The following RNF146 variants were observed in gnomAD, a reference collection of about 807,000 sequenced individuals.
RNF146 encodes the protein E3 ubiquitin-protein ligase RNF146.
In RNF146, 11 loss-of-function variants were observed where a neutral mutation model predicts 29.7. The ratio of observed to expected loss-of-function variants is 0.37; its 90% CI spans 0.23 to 0.61. RNF146 has a LOEUF of 0.61. RNF146 is among the 20% of genes least tolerant of loss of function. RNF146 has a pLI of 0.66. For missense variants in RNF146, 342 were observed against 438.9 expected, an observed-to-expected ratio of 0.78 and a Z score of 1.97; for synonymous variants, 150 against 159.7, an observed-to-expected ratio of 0.94 and a Z score of 0.46.
chr6:127,286,227 TTAATAA>T lies in RNF146; in HGVS notation c.3-388_3-383del, dbSNP rs1274612915. 8.3e-7 allele frequency: 1 copy of T among 1,208,510 alleles called. No homozygotes were observed. The highest frequency in any genetic ancestry group is 1.6e-5 in the African/African-American group (1 of 63,676). 74.9% of individuals were successfully genotyped at this position (1,208,510 alleles called of 1,614,324 possible). A position where few individuals can be genotyped will look rare whatever the true frequency, so the allele number is the denominator to read the frequency against. Reference sequence around the variant, plus strand: ...TAACTGAGTGCCTAAGAGCACATAATTAATAAAGGACTCTAAAACTCAGATTTTTAG... The same window carrying T: ...TAACTGAGTGCCTAAGAGCACATAATAGGACTCTAAAACTCAGATTTTTAG... On this transcript the variant is annotated intron_variant, in intron 2 of 2. Transcript: ENST00000368314. The surrounding 1 kb of genome is among the most constrained non-coding windows in gnomAD (Gnocchi z 4.6).
Position 127,278,625 on chromosome 6 carries a change from C to T in RNF146, c.-108-1606C>T, listed in dbSNP as rs551856353. On this transcript the variant is annotated intron_variant, in intron 1 of 2. Coordinates refer to ENST00000368314, the MANE Select transcript of RNF146 (RefSeq NM_001242850.2). ...GTGTCCACCTTTTGCCTAATATTTC[C>T]GCAGTGAATATTGGCATACAAGTGT... 3.5e-3 allele frequency among the ~76,000 whole-genome samples: 528 copies of T among 152,020 alleles called. 3 individuals are homozygous for T. Among genetic ancestry groups the T allele is most frequent in the Non-Finnish European group, 6.0e-3 (407 of 67,942 alleles).
At chr6:127,285,351 A>G (rs891785516) in intron 2 of RNF146, 1 of 984,630 alleles carries the variant, frequency 1.0e-6, no homozygotes, top group African/African-American at 1.7e-5. Flanking sequence ...TGATGAGCGT[A>G]AGCATTCTTG....
intron 1 of RNF146, 83 bp from the exon 2 acceptor site, chr6:127,280,148 A>G: frequency 1.8e-6 from 1 of 550,944 alleles, no homozygotes; most frequent in Non-Finnish European, 3.2e-6. Flanking sequence ...TTTTAAGATA[A>G]AGTTTTCCAC....
At chr6:127,280,483 CAATT>C in intron 2 of RNF146, 143 bp downstream of exon 2, 2 of 1,301,978 alleles carry the variant, frequency 1.5e-6, no homozygotes, top group Non-Finnish European at 2.0e-6. Context: ...GCTTTATTAA[CAATT>C]TATTTACATT....
intron 1 of RNF146, among the ~76,000 whole-genome samples, chr6:127,268,603 T>A (rs1777002268): frequency 6.6e-6 from 1 of 152,162 alleles, no homozygotes; most frequent in Admixed American, 6.5e-5. Context: ...AATCTTTCAT[T>A]TAGAATTTAT....
chr6:127,287,577 G>A lies in RNF146; in HGVS notation c.964G>A (p.Val322Ile). 6.2e-7 allele frequency: 1 copy of A among 1,612,992 alleles called. No individual in the cohort carries two copies. Among genetic ancestry groups the A allele is most frequent in the Non-Finnish European group, 8.5e-7 (1 of 1,179,410 alleles). The change falls in exon 3 of 3, where the codon GTA becomes ATA. Residue 322 changes from valine (V) to isoleucine (I), a missense_variant. Val to Ile is a conservative substitution (Grantham distance 29). This residue lies in a region of RNF146 where 196 missense variants were observed against 208.9 expected (regional missense o/e 0.94). Coordinates refer to ENST00000368314, the MANE Select transcript of RNF146 (RefSeq NM_001242850.2). ...TTTGGTTTCTAATGCAAACCAGACAGTACCCGATCGATCAGATCGATCGGG... is the reference window on the plus strand; with the variant it reads ...TTTGGTTTCTAATGCAAACCAGACAATACCCGATCGATCAGATCGATCGGG... Reference protein sequence around the residue: ...RLLVSNANQTVPDRSDRSGTD... With the variant: ...RLLVSNANQTIPDRSDRSGTD...
chr6:127,287,138 G>A lies in RNF146; in HGVS notation c.525G>A (p.Lys175=). Residue 175 remains lysine, a synonymous_variant, in exon 3 of 3, where the codon AAG becomes AAA. Coordinates refer to ENST00000368314, the MANE Select transcript of RNF146 (RefSeq NM_001242850.2). The part of the protein sequence containing the change: ...KIKRDIIDIP[K]KGVAGLRLDC... ...AGCGAGATATAATAGATATACCAAA[G>A]AAGGGAGTAGCTGGACTTAGGCTAG... is the stretch of plus-strand genomic sequence containing the variant. 6.2e-7 allele frequency: 1 copy of A among 1,613,318 alleles called. No individual in the cohort carries two copies. The highest frequency in any genetic ancestry group is 8.5e-7 in the Non-Finnish European group (1 of 1,179,586).
At chr6:127,269,342 AT>A in intron 1 of RNF146, among the ~76,000 whole-genome samples, 1 of 152,210 alleles carries the variant, frequency 6.6e-6, no homozygotes, top group Non-Finnish European at 1.5e-5. Context: ...CACACAGATA[AT>A]TTGCCAAAGA....
At chr6:127,281,451 G>A (rs1778907050) in intron 2 of RNF146, among the ~76,000 whole-genome samples, 1 of 151,664 alleles carries the variant, frequency 6.6e-6, no homozygotes, top group Non-Finnish European at 1.5e-5. Context: ...TATTGAAACT[G>A]AACAGAGGAA....
At chr6:127,279,333 C>A (rs928870312) in intron 1 of RNF146, among the ~76,000 whole-genome samples, 1 of 151,772 alleles carries the variant, frequency 6.6e-6, no homozygotes, top group Admixed American at 6.6e-5. Flanking sequence ...AATTATTTTG[C>A]ATGTGGAAAT....
chr6:127,284,967 A>G (rs1779333767), intron 2 of RNF146, among the ~76,000 whole-genome samples: 1 of 151,926 alleles, frequency 6.6e-6, no homozygotes, highest in African/African-American at 2.4e-5. Flanking sequence ...GGCCCAGGGA[A>G]ACCAAAAGAT....
chr6:127,285,912 C>A (rs1779456598), intron 2 of RNF146: 2 of 503,192 alleles, frequency 4.0e-6, no homozygotes, highest in Non-Finnish European at 6.1e-6. Context: ...CCCATCAGTA[C>A]TTAGTATTGT....
In RNF146 at chr6:127,286,453, CGGTT is replaced by C. The variant is rs1779526644; in HGVS notation, c.3-160_3-157del. 2.5e-6 allele frequency: 2 copies of C among 792,184 alleles called. No homozygotes were observed. Among genetic ancestry groups the C allele is most frequent in the Non-Finnish European group, 3.8e-6 (2 of 520,368 alleles). The allele number at this position is 792,184 out of a possible 1,614,324, so 49.1% of individuals were successfully genotyped here. On this transcript the variant is annotated intron_variant, in intron 2 of 2. Transcript: ENST00000368314. The surrounding 1 kb of genome is among the most constrained non-coding windows in gnomAD (Gnocchi z 4.6). ...GTAGATGCTTACAAAAAATTTTCAT[CGGTT>C]GGAGAGTTTTTCCTCTACTTTCATC...
chr6:127,280,974 C>T (rs977842862), intron 2 of RNF146, among the ~76,000 whole-genome samples: 1 of 151,548 alleles, frequency 6.6e-6, no homozygotes, highest in African/African-American at 2.4e-5. Context: ...TTCATATAAG[C>T]CCTATGCAAC....
At position 127,287,417 on chromosome 6, in the gene RNF146, A is replaced by T. The variant is rs756825211; in HGVS notation, c.804A>T (p.Glu268Asp). 2.6e-5 allele frequency: 42 copies of T among 1,613,410 alleles called. No individual in the cohort carries two copies. The highest frequency in any genetic ancestry group is 1.2e-4 in the African/African-American group (9 of 74,854). The part of the protein sequence containing the change: ...AERSHRGEGE[E>D]DHESPSSGRV... ...GGAGTCATAGGGGAGAAGGAGAAGAAGATCATGAATCACCATCTTCAGGCA... is the reference window on the plus strand; with the variant it reads ...GGAGTCATAGGGGAGAAGGAGAAGATGATCATGAATCACCATCTTCAGGCA... The change falls in exon 3 of 3, where the codon GAA (glutamate) becomes GAT (aspartate). Residue 268 changes from glutamate (E) to aspartate (D), a missense_variant. Physicochemically the swap from Glu to Asp is conservative, Grantham distance 45. Transcript: ENST00000368314.
intron 1 of RNF146, among the ~76,000 whole-genome samples, chr6:127,273,789 A>G (rs936255616): frequency 1.3e-5 from 2 of 152,140 alleles, no homozygotes; most frequent in Non-Finnish European, 2.9e-5. Flanking sequence ...GAAATAGGCT[A>G]AATAAATATG....
intron 1 of RNF146, among the ~76,000 whole-genome samples, chr6:127,273,661 C>T (rs866045562): frequency 2.6e-5 from 4 of 151,470 alleles, no homozygotes; most frequent in East Asian, 1.9e-4. Context: ...ATGAGGTTAT[C>T]GTCAAAGATC....
At chr6:127,274,459 G>T (rs1294707505) in intron 1 of RNF146, among the ~76,000 whole-genome samples, 1 of 152,098 alleles carries the variant, frequency 6.6e-6, no homozygotes, top group East Asian at 1.9e-4. Context: ...AATTAGATTG[G>T]TTACAGATAA....
chr6:127,274,630 T>G (rs967627624), intron 1 of RNF146, among the ~76,000 whole-genome samples: 1 of 152,176 alleles, frequency 6.6e-6, no homozygotes, highest in Non-Finnish European at 1.5e-5. Context: ...ATCTTCACAC[T>G]AGAGGTTTTA....
Sources: allele counts gnomAD v4.1 joint callset (sites outside exome capture counted in the v4.1 genomes callset), GRCh38; gene constraint gnomAD v4.1.1; regional missense constraint gnomAD v4.1.1; non-coding constraint Gnocchi (gnomAD v3.1); transcripts MANE v1.5; gene names NCBI Gene and HGNC (gene_info 2026-07-23, HGNC 2026-07-21).